Variants in VWA7 observed in about 807,000 individuals in gnomAD.
VWA7 encodes the protein von Willebrand factor A domain-containing protein 7.
A neutral mutation model predicts 83.1 loss-of-function variants in VWA7; 66 were observed. The observed-to-expected ratio is 0.79, with a 90% confidence interval of 0.65 to 0.98. The LOEUF (loss-of-function observed/expected upper bound fraction) is 0.98, where lower values mean the gene tolerates loss of function less well. Among genes scored for constraint, VWA7 ranks in the 50% least tolerant of loss-of-function variants. The pLI is 0.00. For missense variants in VWA7, 1,080 were observed against 1,160.2 expected (o/e 0.93, Z 1.00); for synonymous variants, 424 against 488.5 (o/e 0.87, Z 1.74).
chr6:31,774,931 T>TA (rs1376334173), intron 4 of VWA7, among the ~76,000 whole-genome samples: 2 of 152,018 alleles, frequency 1.3e-5, no homozygotes, highest in Non-Finnish European at 2.9e-5. Flanking sequence ...ACCTCATCTC[T>TA]AAAAAATAAA....
Position 31,770,729 on chromosome 6 carries a change from T to TA in VWA7, c.1088-617dup, listed in dbSNP as rs9279414. Among the ~76,000 whole-genome samples the TA allele has an allele frequency of 6.4e-4, 93 of 145,672 alleles. 2 individuals carry two copies. Among genetic ancestry groups the TA allele is most frequent in the East Asian group, 5.8e-3 (29 of 5,002 alleles). The stretch of plus-strand genomic sequence containing the variant: ...CCTTTATTGGCTACATGTGCGTATA[T>TA]AAAAAAAAAAATGGTCACACCTATT... On this transcript the variant is annotated intron_variant, in intron 7 of 16. Transcript: ENST00000375688.
rs1364708538 is a variant in VWA7 at position 31,765,597 on chromosome 6, C to T, written c.2673G>A (p.Trp891Ter). Residue 891 changes from tryptophan to a stop codon, truncating the protein, a stop_gained, in exon 17 of 17, where the codon TGG (tryptophan) becomes TGA (stop). Transcript: ENST00000375688. LOFTEE classifies it high-confidence loss of function. ...GVLLLLGLASW is the reference protein window; with the variant it reads ...GVLLLLGLAS ...CATCCCTTTAGAGCCCGTTGTGTCA[C>T]CAGGAGGCCAGGCCTAGCAGAAGCA... The T allele has an allele frequency of 6.2e-7, 1 of 1,610,552 alleles. No homozygotes were observed. Among genetic ancestry groups the T allele is most frequent in the East Asian group, 2.2e-5 (1 of 44,864 alleles).
At chr6:31,765,844 G>T (rs747701877) in intron 16 of VWA7, 39 bp downstream of exon 16, 2 of 1,609,482 alleles carry the variant, frequency 1.2e-6, no homozygotes, top group Middle Eastern at 1.7e-4. Context: ...ACCCTCCCCG[G>T]CCTTGCCCAC....
In VWA7 at chr6:31,765,718, G is replaced by T. The variant is rs759563865; in HGVS notation, c.2552C>A (p.Thr851Asn). The T allele has an allele frequency of 6.3e-7, 1 of 1,593,676 alleles. No homozygotes were observed. Among genetic ancestry groups the T allele is most frequent in the Admixed American group, 1.8e-5 (1 of 56,194 alleles). Reference protein sequence around the residue: ...GSSDPILTTATPAFSPFTLVT... With the variant: ...GSSDPILTTANPAFSPFTLVT... ...CAATGTGAAGGGGGAAAAGGCAGGGGTGGCCGTGGTGAGGATCGGGTCAGA... is the reference window on the plus strand; with the variant it reads ...CAATGTGAAGGGGGAAAAGGCAGGGTTGGCCGTGGTGAGGATCGGGTCAGA... Residue 851 changes from threonine (T) to asparagine (N), a missense_variant, in exon 17 of 17, where the codon ACC (threonine) becomes AAC (asparagine). Coordinates refer to ENST00000375688, the MANE Select transcript of VWA7 (RefSeq NM_025258.3).
rs1310042140 is a variant in VWA7, at chr6:31,769,023, C to T, written c.1498G>A (p.Ala500Thr). The change falls in exon 10 of 17, where the codon GCC becomes ACC. Residue 500 changes from alanine (A) to threonine (T), a missense_variant. Transcript: ENST00000375688. This position sits in a 1 kb window ranked among gnomAD's most constrained non-coding sequence, Gnocchi z 4.5. Reference protein sequence around the residue: ...VAAIVGESMAALVTLPLDPPV... With the variant: ...VAAIVGESMATLVTLPLDPPV... Reference sequence around the variant, plus strand: ...GGGCCCTGGCCCCCACTTACCAGGGCAGCCATGCTCTCCCCAACAATGGCT... The same window carrying T: ...GGGCCCTGGCCCCCACTTACCAGGGTAGCCATGCTCTCCCCAACAATGGCT... 1 of 1,610,416 alleles carries T rather than the reference C, an allele frequency of 6.2e-7. No individual in the cohort carries two copies. The highest frequency in any genetic ancestry group is 8.5e-7 in the Non-Finnish European group (1 of 1,178,892).
intron 12 of VWA7, 35 bp from the exon 13 acceptor site, chr6:31,767,285 G>A (rs764693372): frequency 6.2e-7 from 1 of 1,612,366 alleles, no homozygotes; most frequent in South Asian, 1.1e-5. Flanking sequence ...AGCCCTTCCT[G>A]AAAGGAATGT....
rs1044699872 is a variant in VWA7 at position 31,777,291 on chromosome 6, C to T, written c.-198G>A. ...CAAAGCCACAGGCAGCAGCCCACGC[C>T]AGGGCGGGCCTCCCTTGGCTGCAGT... On this transcript the variant is annotated 5_prime_UTR_variant, in exon 1 of 17. Coordinates refer to ENST00000375688, the MANE Select transcript of VWA7 (RefSeq NM_025258.3). The surrounding 1 kb of genome is among the most constrained non-coding windows in gnomAD (Gnocchi z 5.8). The T allele has an allele frequency of 9.6e-6, 5 of 518,766 alleles. No individual in the cohort carries two copies. Among genetic ancestry groups the T allele is most frequent in the African/African-American group, 9.6e-5 (5 of 51,958 alleles). The allele number at this position is 518,766 out of a possible 1,614,324, so 32.1% of individuals were successfully genotyped here.
In VWA7 at chr6:31,775,318, G is replaced by A. The variant is rs1205820151; in HGVS notation, c.610+15C>T. On this transcript the variant is annotated intron_variant, in intron 4 of 16. Coordinates refer to ENST00000375688, the MANE Select transcript of VWA7 (RefSeq NM_025258.3). The surrounding 1 kb of genome is among the most constrained non-coding windows in gnomAD (Gnocchi z 5.9). ...CCTGTGGACTCCTGCCTCACCACCA[G>A]GGTCACAGCCATACCTTGTGCCAGG... 4 of 1,605,346 alleles carry A rather than the reference G, an allele frequency of 2.5e-6. No homozygotes were observed. Among genetic ancestry groups the A allele is most frequent in the African/African-American group, 2.7e-5 (2 of 74,808 alleles).
In VWA7 at chr6:31,767,467, G is replaced by A. The variant is rs577797776; in HGVS notation, c.1684C>T (p.Arg562Cys). The A allele has an allele frequency of 2.4e-5, 38 of 1,612,850 alleles. No individual in the cohort carries two copies. The Admixed American group carries it at 4.0e-4, about 17-fold the overall frequency. Reference sequence around the variant, plus strand: ...ACCATCCAGAACTGCCCAAAGCGGCGAGTGTGACCTAGAGGACCCCCGCCT... The same window carrying A: ...ACCATCCAGAACTGCCCAAAGCGGCAAGTGTGACCTAGAGGACCCCCGCCT... ...EEGGGPLGHT[R>C]RFGQFWMVTM... The change falls in exon 12 of 17, where the codon CGC becomes TGC. Residue 562 changes from arginine (R) to cysteine (C), a missense_variant. Coordinates refer to ENST00000375688, the MANE Select transcript of VWA7 (RefSeq NM_025258.3).
Position 31,777,323 on chromosome 6 carries a change from G to A in VWA7, c.-230C>T, listed in dbSNP as rs1370054935. Reference sequence around the variant, plus strand: ...GGCCTCCCTTGGCTGCAGTGCGGAGGTGAGTGAGAGCTGGGGAGGAGGAAG... The same window carrying A: ...GGCCTCCCTTGGCTGCAGTGCGGAGATGAGTGAGAGCTGGGGAGGAGGAAG... On this transcript the variant is annotated 5_prime_UTR_variant, in exon 1 of 17. Transcript: ENST00000375688. This position sits in a 1 kb window ranked among gnomAD's most constrained non-coding sequence, Gnocchi z 5.8. 1 of 562,578 alleles carries A rather than the reference G, an allele frequency of 1.8e-6. No individual in the cohort carries two copies. The highest frequency in any genetic ancestry group is 2.2e-5 in the South Asian group (1 of 45,414). The allele number at this position is 562,578 out of a possible 1,614,324, so 34.8% of individuals were successfully genotyped here.
chr6:31,776,470 C>T lies in VWA7; in HGVS notation c.234+76G>A. ...CATGGGTGTCTCTTCTCTTGGCAAC[C>T]AGAGCCCTCAAGGAGTAGAGGCCCC... On this transcript the variant is annotated intron_variant, in intron 2 of 16. Coordinates refer to ENST00000375688, the MANE Select transcript of VWA7 (RefSeq NM_025258.3). This position sits in a 1 kb window ranked among gnomAD's most constrained non-coding sequence, Gnocchi z 6.2. 7.4e-7 allele frequency: 1 copy of T among 1,356,878 alleles called. No individual in the cohort carries two copies. The highest frequency in any genetic ancestry group is 1.0e-6 in the Non-Finnish European group (1 of 1,004,756). The allele number at this position is 1,356,878 out of a possible 1,614,324, so 84.1% of individuals were successfully genotyped here. A position where few individuals can be genotyped will look rare whatever the true frequency, so the allele number is the denominator to read the frequency against.
rs55746008 is a variant in VWA7 at position 31,769,660 on chromosome 6, A to G, written c.1317+15T>C. 4 of 1,606,092 alleles carry G rather than the reference A, an allele frequency of 2.5e-6. No homozygotes were observed. Among genetic ancestry groups the G allele is most frequent in the Non-Finnish European group, 3.4e-6 (4 of 1,173,892 alleles). ...CTGGGAGGCTAACACTGGGTCTCCC[A>G]CTAGCTCTGCTCACCCGGCAGCGCC... On this transcript the variant is annotated intron_variant, in intron 9 of 16. Coordinates refer to ENST00000375688, the MANE Select transcript of VWA7 (RefSeq NM_025258.3). This position sits in a 1 kb window ranked among gnomAD's most constrained non-coding sequence, Gnocchi z 4.5.
Position 31,767,533 on chromosome 6 carries a change from T to C in VWA7, c.1637-19A>G, listed in dbSNP as rs1811733187. 2 of 1,602,766 alleles carry C rather than the reference T, an allele frequency of 1.2e-6. No individual in the cohort carries two copies. Among genetic ancestry groups the C allele is most frequent in the Non-Finnish European group, 1.7e-6 (2 of 1,170,762 alleles). On this transcript the variant is annotated intron_variant, in intron 11 of 16. Transcript: ENST00000375688. ...GAGACCCCTGGGGTCAGGGAAGAGA[T>C]TGTCACATGAAGCACTTGCTCTCCT...
At position 31,776,892 on chromosome 6, in the gene VWA7, G is replaced by T. The variant is rs1040815117; in HGVS notation, c.-15-98C>A. ...CATGGGAACCTGCTTTACCTCAAAAGTCGTGTCTGCTCCAGCCTGGCTTCC... is the reference window on the plus strand; with the variant it reads ...CATGGGAACCTGCTTTACCTCAAAATTCGTGTCTGCTCCAGCCTGGCTTCC... On this transcript the variant is annotated intron_variant, in intron 1 of 16. Transcript: ENST00000375688. The surrounding 1 kb of genome is among the most constrained non-coding windows in gnomAD (Gnocchi z 6.2). 2.0e-5 allele frequency: 13 copies of T among 664,370 alleles called. No individual in the cohort carries two copies. Among genetic ancestry groups the T allele is most frequent in the Non-Finnish European group, 2.3e-5 (10 of 430,940 alleles). The allele number at this position is 664,370 out of a possible 1,614,324, so 41.2% of individuals were successfully genotyped here.
chr6:31,768,139 C>CAAAAAAAAAAAAAAAA (rs9279412), intron 10 of VWA7, among the ~76,000 whole-genome samples: 24 of 77,074 alleles, frequency 3.1e-4, no homozygotes, highest in Middle Eastern at 8.2e-3. Context: ...GACTCTGTCT[C>CAAAAAAAAAAAAAAAA]AAAAAAAAAA....
chr6:31,774,577 A>T lies in VWA7; in HGVS notation c.660T>A (p.Asn220Lys), dbSNP rs201752222. ...AGGTGAGGAGTGTGAAGCCCAGCCA[A>T]TTCCTGGGGCAGCTCAACTCCTCGC... Reference protein sequence around the residue: ...SDCEELSCPRNWLGFTLLTSG... With the variant: ...SDCEELSCPRKWLGFTLLTSG... The change falls in exon 5 of 17, where the codon AAT (asparagine) becomes AAA (lysine). Residue 220 changes from asparagine (N) to lysine (K), a missense_variant. Asn to Lys is a moderately conservative substitution (Grantham distance 94, BLOSUM62 0). Transcript: ENST00000375688. 9.7e-5 allele frequency: 156 copies of T among 1,612,742 alleles called. No homozygotes were observed. In the Middle Eastern group the frequency reaches 1.5e-3, roughly 15 times the overall value.
At chr6:31,767,809 G>A in intron 10 of VWA7, 55 bp from the exon 11 acceptor site, 2 of 1,561,328 alleles carry the variant, frequency 1.3e-6, no homozygotes, top group Non-Finnish European at 1.7e-6. Context: ...ATGGGATGAG[G>A]AACAAAGAAG....
Position 31,773,745 on chromosome 6 carries a change from G to A in VWA7, c.722-308C>T, listed in dbSNP as rs183634797. Among the ~76,000 whole-genome samples the A allele has an allele frequency of 2.4e-4, 37 of 152,284 alleles. No individual in the cohort carries two copies. Among genetic ancestry groups the A allele is most frequent in the Admixed American group, 8.5e-4 (13 of 15,296 alleles). On this transcript the variant is annotated intron_variant, in intron 5 of 16. Transcript: ENST00000375688. The surrounding 1 kb of genome is among the most constrained non-coding windows in gnomAD (Gnocchi z 5.3). ...GCTTGTAATCCCAGCTACTTAGGAGGCTGAGGAAGGAAAATAGCTTGATCC... is the reference window on the plus strand; with the variant it reads ...GCTTGTAATCCCAGCTACTTAGGAGACTGAGGAAGGAAAATAGCTTGATCC...
chr6:31,775,711 C>T lies in VWA7; in HGVS notation c.513+253G>A, dbSNP rs1812618308. Among the ~76,000 whole-genome samples the T allele has an allele frequency of 1.3e-5, 2 of 152,208 alleles. No homozygotes were observed. The highest frequency in any genetic ancestry group is 4.8e-5 in the African/African-American group (2 of 41,452). On this transcript the variant is annotated intron_variant, in intron 3 of 16. Coordinates refer to ENST00000375688, the MANE Select transcript of VWA7 (RefSeq NM_025258.3). The surrounding 1 kb of genome is among the most constrained non-coding windows in gnomAD (Gnocchi z 5.9). ...CCTGCTGCGTGTGCTGCTCCCTCAG[C>T]TCTCTGACCTCGCAGCCTTCCTCTC...
Sources: gnomAD v4.1 joint callset for allele counts (sites outside exome capture counted in the v4.1 genomes callset) on GRCh38, gnomAD v4.1.1 for gene constraint, Gnocchi (gnomAD v3.1) non-coding constraint, MANE v1.5 for transcripts, NCBI Gene and HGNC (gene_info 2026-07-23, HGNC 2026-07-21) for gene names.